The following CPQ variants were observed in gnomAD, a reference collection of about 807,000 sequenced individuals.
The protein encoded by CPQ is Ser-Met dipeptidase.
A neutral mutation model predicts 45.7 loss-of-function variants in CPQ; 37 were observed. That is an observed-to-expected ratio of 0.81 (90% CI 0.62 to 1.07). CPQ has a LOEUF of 1.07. Ranked by LOEUF, CPQ falls within the 50% of genes least tolerant of loss-of-function variation. The pLI, the probability that CPQ is intolerant of heterozygous loss-of-function variation, is 0.00. For synonymous variants in CPQ, 186 were observed against 205.8 expected, an observed-to-expected ratio of 0.90 and a Z score of 0.82; for missense variants, 537 against 572.9, an observed-to-expected ratio of 0.94 and a Z score of 0.64.
intron 7 of CPQ, among the ~76,000 whole-genome samples, chr8:97,072,567 A>G (rs1314223058): frequency 2.0e-5 from 3 of 152,152 alleles, no homozygotes; most frequent in African/African-American, 7.2e-5. Context: ...TGATGATATG[A>G]CCGTATACCT....
intron 2 of CPQ, among the ~76,000 whole-genome samples, chr8:96,811,812 G>A (rs1359923721): frequency 6.6e-6 from 1 of 152,128 alleles, no homozygotes; most frequent in Non-Finnish European, 1.5e-5. Context: ...TTTTGATAAG[G>A]ATATGAAAAT....
chr8:96,646,145 G>T (rs1815517744), intron 1 of CPQ, among the ~76,000 whole-genome samples: 1 of 151,750 alleles, frequency 6.6e-6, no homozygotes, highest in African/African-American at 2.4e-5. Context: ...AAAGTTGTGT[G>T]AATGTCGCAC....
chr8:96,880,846 C>A (rs1238350533), intron 4 of CPQ, among the ~76,000 whole-genome samples: 2 of 151,872 alleles, frequency 1.3e-5, no homozygotes, highest in African/African-American at 2.4e-5. Flanking sequence ...CTTTGGGTGA[C>A]GGGTTCAACT....
At chr8:96,852,331 G>GAC (rs1198205427) in intron 3 of CPQ, among the ~76,000 whole-genome samples, 1 of 152,004 alleles carries the variant, frequency 6.6e-6, no homozygotes, top group Non-Finnish European at 1.5e-5. Context: ...ACAACAAATA[G>GAC]ACACACACAC....
intron 3 of CPQ, among the ~76,000 whole-genome samples, chr8:96,857,674 C>T (rs555746128): frequency 5.3e-5 from 8 of 152,276 alleles, no homozygotes; most frequent in Admixed American, 6.5e-5. Context: ...TTACCTGCTT[C>T]CTGTATACTG....
intron 7 of CPQ, among the ~76,000 whole-genome samples, chr8:97,100,291 CAGG>C (rs1811280138): frequency 6.6e-6 from 1 of 152,144 alleles, no homozygotes. Context: ...GTAAGAATGG[CAGG>C]AGTTCACTGA....
At chr8:96,957,909 C>G (rs1332163795) in intron 4 of CPQ, among the ~76,000 whole-genome samples, 1 of 151,288 alleles carries the variant, frequency 6.6e-6, no homozygotes, top group Non-Finnish European at 1.5e-5. Context: ...TCATGGCTCA[C>G]TGTAGCCACA....
At chr8:96,700,249 G>C (rs1233151451) in intron 1 of CPQ, among the ~76,000 whole-genome samples, 3 of 152,100 alleles carry the variant, frequency 2.0e-5, no homozygotes, top group Non-Finnish European at 4.4e-5. Context: ...AAGGCTGATA[G>C]ACAATGGACC....
In CPQ at chr8:96,811,863, C is replaced by T. The variant is rs112488226; in HGVS notation, c.434-23110C>T. Among the ~76,000 whole-genome samples the T allele has an allele frequency of 7.1e-3, 1,075 of 152,098 alleles. 11 individuals carry two copies. The highest frequency in any genetic ancestry group is 0.02 in the African/African-American group (812 of 41,504). On this transcript the variant is annotated intron_variant, in intron 2 of 7. Coordinates refer to ENST00000220763, the MANE Select transcript of CPQ (RefSeq NM_016134.4). Reference sequence around the variant, plus strand: ...CCAATACTTATGCTTATTTATGGTACATAAATCGGAGTTTCCCATGAGTGA... The same window carrying T: ...CCAATACTTATGCTTATTTATGGTATATAAATCGGAGTTTCCCATGAGTGA...
At position 97,111,088 on chromosome 8, in the gene CPQ, G is replaced by A. The variant is rs117013731; in HGVS notation, c.1256-31932G>A. The stretch of plus-strand genomic sequence containing the variant: ...CCATTGATCTTACCTGTGGAACACC[G>A]CAGGGTATTTTTGTCCATCCTAACT... On this transcript the variant is annotated intron_variant, in intron 7 of 7. Transcript: ENST00000220763. Among the ~76,000 whole-genome samples the A allele has an allele frequency of 1.7e-3, 266 of 152,288 alleles. 2 individuals are homozygous for A. Among genetic ancestry groups the A allele is most frequent in the Admixed American group, 2.4e-3 (37 of 15,294 alleles).
At chr8:96,766,359 T>C (rs1810467165) in intron 1 of CPQ, among the ~76,000 whole-genome samples, 1 of 152,198 alleles carries the variant, frequency 6.6e-6, no homozygotes, top group South Asian at 2.1e-4. Flanking sequence ...TTTATCTTCC[T>C]GCTTCTAGTT....
intron 5 of CPQ, among the ~76,000 whole-genome samples, chr8:97,021,105 G>C (rs1809671657): frequency 6.6e-6 from 1 of 152,094 alleles, no homozygotes; most frequent in African/African-American, 2.4e-5. Context: ...CACATAAGCA[G>C]AATCAAAAAC....
chr8:96,824,816 G>T (rs1811356555), intron 2 of CPQ, among the ~76,000 whole-genome samples: 2 of 152,022 alleles, frequency 1.3e-5, no homozygotes, highest in South Asian at 4.1e-4. Flanking sequence ...TCATTTTGTT[G>T]ATTTCAGTGG....
intron 7 of CPQ, among the ~76,000 whole-genome samples, chr8:97,120,518 A>G (rs181017300): frequency 1.1e-3 from 164 of 152,360 alleles, no homozygotes; most frequent in African/African-American, 3.7e-3. Flanking sequence ...TCACTGCCAC[A>G]TTCCTTTACT....
intron 1 of CPQ, among the ~76,000 whole-genome samples, chr8:96,701,857 G>C (rs1388782574): frequency 6.6e-6 from 1 of 152,160 alleles, no homozygotes; most frequent in Non-Finnish European, 1.5e-5. Flanking sequence ...AGGAACTTTT[G>C]TTTGTGCAAT....
chr8:96,872,218 T>C (rs1812079868), intron 3 of CPQ, among the ~76,000 whole-genome samples: 1 of 151,926 alleles, frequency 6.6e-6, no homozygotes, highest in African/African-American at 2.4e-5. Context: ...AGATACACCT[T>C]ATATACATAA....
intron 1 of CPQ, among the ~76,000 whole-genome samples, chr8:96,737,006 T>G (rs1809991771): frequency 6.6e-6 from 1 of 152,038 alleles, no homozygotes; most frequent in Non-Finnish European, 1.5e-5. Context: ...GTATTTCTCA[T>G]TCACTTTTGC....
intron 3 of CPQ, among the ~76,000 whole-genome samples, chr8:96,836,070 G>A (rs759680075): frequency 1.5e-4 from 23 of 152,152 alleles, no homozygotes; most frequent in Non-Finnish European, 2.6e-4. Context: ...GGGAAAAGAA[G>A]CATAACTTTA....
chr8:96,832,766 A>G (rs1811476875), intron 2 of CPQ, among the ~76,000 whole-genome samples: 1 of 152,180 alleles, frequency 6.6e-6, no homozygotes, highest in Non-Finnish European at 1.5e-5. Context: ...TATACAGGGA[A>G]AAGTGTCTGT....
Sources: gnomAD v4.1 joint callset for allele counts (sites outside exome capture counted in the v4.1 genomes callset) on GRCh38, gnomAD v4.1.1 for gene constraint, MANE v1.5 for transcripts, NCBI Gene and HGNC (gene_info 2026-07-23, HGNC 2026-07-21) for gene names.